Variants in MAGI2 observed in about 807,000 individuals in gnomAD.
The protein encoded by MAGI2 is membrane-associated guanylate kinase, WW and PDZ domain-containing protein 2.
MAGI2 carries 35 observed loss-of-function variants against 133.3 expected under a neutral mutation model. That is an observed-to-expected ratio of 0.26 (90% CI 0.20 to 0.35). The LOEUF (loss-of-function observed/expected upper bound fraction) is 0.35. Ranked by LOEUF, MAGI2 falls within the 10% of genes least tolerant of loss-of-function variation. The pLI is 1.00. For synonymous variants in MAGI2, 729 were observed against 710.6 expected (o/e 1.03, Z -0.41); for missense variants, 1,636 against 1,863.4 (o/e 0.88, Z 2.25).
At chr7:78,944,877 C>T (rs1801288324) in intron 2 of MAGI2, among the ~76,000 whole-genome samples, 1 of 151,906 alleles carries the variant, frequency 6.6e-6, no homozygotes, top group South Asian at 2.1e-4. Flanking sequence ...GATGGAACTA[C>T]AGGTGCACGC....
Position 78,853,860 on chromosome 7 carries a change from T to C in MAGI2, c.418+153230A>G, listed in dbSNP as rs1310960232. Among the ~76,000 whole-genome samples, 4 of 152,040 alleles carry C rather than the reference T, an allele frequency of 2.6e-5. No individual in the cohort carries two copies. In the East Asian group the frequency reaches 7.7e-4, roughly 29 times the overall value. ...AGTCCTACTTTGACACTTGCAATAC[T>C]AGAGTCTAGGGTTGAGGATAGGCAC... On this transcript the variant is annotated intron_variant, in intron 2 of 21. Coordinates refer to ENST00000354212, the MANE Select transcript of MAGI2 (RefSeq NM_012301.4).
intron 1 of MAGI2, among the ~76,000 whole-genome samples, chr7:79,045,906 T>A (rs1039819496): frequency 2.0e-5 from 3 of 152,166 alleles, no homozygotes; most frequent in Non-Finnish European, 4.4e-5. Context: ...TTTACATGAA[T>A]CTATACATAT....
chr7:78,978,375 C>G (rs1445309397), intron 2 of MAGI2, among the ~76,000 whole-genome samples: 1 of 151,806 alleles, frequency 6.6e-6, no homozygotes, highest in African/African-American at 2.4e-5. Flanking sequence ...GAAAGACATG[C>G]ATGAATTGTC....
chr7:78,129,737 G>A (rs1821357275), intron 18 of MAGI2, among the ~76,000 whole-genome samples: 1 of 152,094 alleles, frequency 6.6e-6, no homozygotes, highest in Non-Finnish European at 1.5e-5. Context: ...CTGAGGTCGG[G>A]AGTTCGAGAC....
chr7:79,243,925 A>G (rs1832622822), intron 1 of MAGI2, among the ~76,000 whole-genome samples: 1 of 152,188 alleles, frequency 6.6e-6, no homozygotes, highest in Non-Finnish European at 1.5e-5. Flanking sequence ...CTTGAAAGAA[A>G]CATTATTTCC....
intron 21 of MAGI2, among the ~76,000 whole-genome samples, chr7:78,061,733 A>C (rs1813293708): frequency 6.6e-6 from 1 of 152,130 alleles, no homozygotes; most frequent in Admixed American, 6.6e-5. Context: ...ATCCTGAAGG[A>C]AAGGGTGGGG....
intron 3 of MAGI2, among the ~76,000 whole-genome samples, chr7:78,528,438 C>T (rs1017806735): frequency 6.6e-6 from 1 of 152,130 alleles, no homozygotes; most frequent in Admixed American, 6.5e-5. Flanking sequence ...ACATATTAAA[C>T]AAGGGATAGT....
At chr7:79,241,943 G>A (rs542615771) in intron 1 of MAGI2, among the ~76,000 whole-genome samples, 41 of 152,192 alleles carry the variant, frequency 2.7e-4, no homozygotes, top group African/African-American at 8.4e-4. Context: ...ATTCCCCAAC[G>A]AATCAGCAGC....
chr7:78,660,089 A>G (rs1812770659), intron 2 of MAGI2, among the ~76,000 whole-genome samples: 1 of 131,300 alleles, frequency 7.6e-6, no homozygotes, highest in Non-Finnish European at 1.6e-5. Context: ...ACTTGGACAC[A>G]GGAAGGGGAA....
intron 1 of MAGI2, among the ~76,000 whole-genome samples, chr7:79,216,032 C>T (rs188298702): frequency 3.7e-4 from 56 of 152,008 alleles, no homozygotes; most frequent in African/African-American, 1.3e-3. Context: ...ACAGACATTC[C>T]TGTTTTCACG....
chr7:78,879,540 A>C (rs1015000878), intron 2 of MAGI2, among the ~76,000 whole-genome samples: 1 of 152,140 alleles, frequency 6.6e-6, no homozygotes, highest in Non-Finnish European at 1.5e-5. Context: ...CAAGAGGAAA[A>C]TAATGATAAT....
chr7:79,177,793 G>T (rs935542141), intron 1 of MAGI2, among the ~76,000 whole-genome samples: 3 of 152,014 alleles, frequency 2.0e-5, no homozygotes, highest in Non-Finnish European at 4.4e-5. Flanking sequence ...GTTGAAAATA[G>T]TATTACTCGA....
intron 9 of MAGI2, among the ~76,000 whole-genome samples, chr7:78,335,879 T>G (rs1321144611): frequency 6.6e-6 from 1 of 152,174 alleles, no homozygotes; most frequent in African/African-American, 2.4e-5. Flanking sequence ...ATGCAAAAAC[T>G]ATGCAAATTT....
At chr7:78,380,424 T>A (rs912150919) in intron 6 of MAGI2, among the ~76,000 whole-genome samples, 1 of 152,166 alleles carries the variant, frequency 6.6e-6, no homozygotes, top group African/African-American at 2.4e-5. Flanking sequence ...TAATAAGGAA[T>A]GAGATCCTGT....
chr7:78,038,681 C>T (rs1319014252), intron 21 of MAGI2, among the ~76,000 whole-genome samples: 1 of 152,160 alleles, frequency 6.6e-6, no homozygotes, highest in Non-Finnish European at 1.5e-5. Context: ...ACAATTTAGC[C>T]TGTGAGTTCA....
intron 10 of MAGI2, among the ~76,000 whole-genome samples, chr7:78,242,179 G>A (rs1791222595): frequency 6.6e-6 from 1 of 152,210 alleles, no homozygotes; most frequent in Non-Finnish European, 1.5e-5. Context: ...GTGGCAGAAA[G>A]TGAGGTACAC....
At chr7:78,093,557 C>T (rs1028531351) in intron 20 of MAGI2, among the ~76,000 whole-genome samples, 2 of 152,142 alleles carry the variant, frequency 1.3e-5, no homozygotes, top group African/African-American at 4.8e-5. Flanking sequence ...GATGTGAAGT[C>T]ACAAGAGCTG....
At position 78,837,833 on chromosome 7, in the gene MAGI2, CTA is replaced by C. The variant is rs1352666950; in HGVS notation, c.418+169255_418+169256del. 3.3e-5 allele frequency among the ~76,000 whole-genome samples: 5 copies of C among 152,202 alleles called. No homozygotes were observed. In the East Asian group the frequency reaches 5.8e-4, roughly 18 times the overall value. On this transcript the variant is annotated intron_variant, in intron 2 of 21. Coordinates refer to ENST00000354212, the MANE Select transcript of MAGI2 (RefSeq NM_012301.4). ...TATTCGTACTAGAAGCATTACCAAA[CTA>C]TGTTATTTGAAACCTGCAGTATGTT...
intron 2 of MAGI2, among the ~76,000 whole-genome samples, chr7:78,823,309 C>A (rs536594899): frequency 9.4e-4 from 143 of 151,984 alleles, no homozygotes; most frequent in Non-Finnish European, 1.6e-3. Context: ...GTCGGCCGGG[C>A]GCGGTGGCTC....
Sources: allele counts gnomAD v4.1 joint callset (sites outside exome capture counted in the v4.1 genomes callset), GRCh38; gene constraint gnomAD v4.1.1; transcripts MANE v1.5; gene names NCBI Gene and HGNC (gene_info 2026-07-23, HGNC 2026-07-21).